NXPE2: variants seen among roughly 807,000 people sequenced by gnomAD.
NXPE2 encodes the protein neurexophilin and PC-esterase domain family member 2.
In NXPE2, 34 loss-of-function variants were observed where a neutral mutation model predicts 34.4. That is an observed-to-expected ratio of 0.99 (90% CI 0.75 to 1.31). The LOEUF (loss-of-function observed/expected upper bound fraction) is 1.31, where lower values mean the gene tolerates loss of function less well. Among genes scored for constraint, NXPE2 ranks in the 40% most tolerant of loss-of-function variants. The pLI is 0.00. For synonymous variants in NXPE2, 235 were observed against 231.3 expected (o/e 1.02, Z -0.15); for missense variants, 649 against 672.5 (o/e 0.97, Z 0.39).
the NXPE2 span, among the ~76,000 whole-genome samples, chr11:114,742,225 T>C: frequency 1.3e-5 from 2 of 152,150 alleles, no homozygotes; most frequent in Non-Finnish European, 2.9e-5. Flanking sequence ...AAGTCAGCAT[T>C]TGGGGAGGGA....
At chr11:114,481,879 C>T in the NXPE2 span, among the ~76,000 whole-genome samples, 1 of 152,066 alleles carries the variant, frequency 6.6e-6, no homozygotes, top group Non-Finnish European at 1.5e-5. Flanking sequence ...TATTCAACAC[C>T]ACTATGTTTA....
the NXPE2 span, chr11:114,522,354 G>T: frequency 2.5e-6 from 4 of 1,614,042 alleles, no homozygotes; most frequent in Non-Finnish European, 3.4e-6. Flanking sequence ...ATTTCCCGAG[G>T]GATATAATCA....
chr11:114,504,339 G>T, the NXPE2 span, among the ~76,000 whole-genome samples: 1 of 152,204 alleles, frequency 6.6e-6, no homozygotes, highest in African/African-American at 2.4e-5. Flanking sequence ...TGCTTATGGG[G>T]CACAGAGAAG....
At chr11:114,671,040 TA>T in the NXPE2 span, among the ~76,000 whole-genome samples, 3 of 148,100 alleles carry the variant, frequency 2.0e-5, no homozygotes, top group African/African-American at 7.4e-5. Context: ...AGGACAAATA[TA>T]TATATATAAA....
At chr11:114,582,422 G>T in the NXPE2 span, 1 of 1,614,158 alleles carries the variant, frequency 6.2e-7, no homozygotes, top group Non-Finnish European at 8.5e-7. Context: ...TGTTGTCCAG[G>T]TACTGGCACA....
the NXPE2 span, among the ~76,000 whole-genome samples, chr11:114,465,927 TC>T: frequency 6.6e-6 from 1 of 152,248 alleles, no homozygotes. Flanking sequence ...AATGTTTCCC[TC>T]TACATCTAGT....
At chr11:114,680,223 GT>G (rs1358697533) in intron 2 of NXPE2, among the ~76,000 whole-genome samples, 1 of 151,934 alleles carries the variant, frequency 6.6e-6, no homozygotes, top group Non-Finnish European at 1.5e-5. Context: ...CAACCATTTA[GT>G]ACAAACATAA....
At chr11:114,773,287 C>G in the NXPE2 span, among the ~76,000 whole-genome samples, 3 of 93,356 alleles carry the variant, frequency 3.2e-5, no homozygotes, top group Admixed American at 1.1e-4. Flanking sequence ...CCACCCCCCC[C>G]CCACCCCATT....
chr11:114,611,049 G>A, the NXPE2 span, among the ~76,000 whole-genome samples: 1 of 151,350 alleles, frequency 6.6e-6, no homozygotes, highest in Non-Finnish European at 1.5e-5. Context: ...GATTATAAGT[G>A]TTGCGTCATG....
the NXPE2 span, among the ~76,000 whole-genome samples, chr11:114,801,519 G>A: frequency 6.6e-6 from 1 of 152,198 alleles, no homozygotes; most frequent in Non-Finnish European, 1.5e-5. Context: ...ATTGTAGAAA[G>A]TTAAGCATGG....
At chr11:114,653,475 G>A in the NXPE2 span, among the ~76,000 whole-genome samples, 1 of 150,324 alleles carries the variant, frequency 6.7e-6, no homozygotes, top group Non-Finnish European at 1.5e-5. Context: ...ACCCTTGGGT[G>A]CTTGTACTCC....
chr11:114,794,844 C>T, the NXPE2 span, among the ~76,000 whole-genome samples: 1 of 146,610 alleles, frequency 6.8e-6, no homozygotes, highest in African/African-American at 2.6e-5. Flanking sequence ...GGATGAATTG[C>T]ACCCCCGCCC....
the NXPE2 span, among the ~76,000 whole-genome samples, chr11:114,655,322 A>G: frequency 7.9e-5 from 12 of 152,110 alleles, no homozygotes; most frequent in African/African-American, 2.9e-4. Context: ...AAAACTCTTT[A>G]GTTTAATTAG....
At chr11:114,786,301 AGAG>A in the NXPE2 span, among the ~76,000 whole-genome samples, 1 of 151,880 alleles carries the variant, frequency 6.6e-6, no homozygotes, top group Admixed American at 6.6e-5. Flanking sequence ...TGAGGATTAG[AGAG>A]GAGAAGTAAT....
the NXPE2 span, among the ~76,000 whole-genome samples, chr11:114,741,181 A>G: frequency 1.3e-5 from 2 of 152,116 alleles, no homozygotes; most frequent in Non-Finnish European, 2.9e-5. Flanking sequence ...GTTCCTGCTG[A>G]TGTATCTGCT....
At chr11:114,806,179 C>A in the NXPE2 span, among the ~76,000 whole-genome samples, 1 of 152,114 alleles carries the variant, frequency 6.6e-6, no homozygotes, top group Admixed American at 6.5e-5. Flanking sequence ...GACGTCCACA[C>A]CCAAAACCCA....
At chr11:114,560,214 C>G in the NXPE2 span, among the ~76,000 whole-genome samples, 22 of 151,456 alleles carry the variant, frequency 1.5e-4, no homozygotes, top group South Asian at 4.4e-3. Flanking sequence ...AACAAGAGAA[C>G]AAATTGTCAG....
At chr11:114,486,401 G>T in the NXPE2 span, among the ~76,000 whole-genome samples, 1 of 152,104 alleles carries the variant, frequency 6.6e-6, no homozygotes, top group Admixed American at 6.6e-5. Context: ...GGTTATTAAT[G>T]CCTTGTCAGG....
the NXPE2 span, among the ~76,000 whole-genome samples, chr11:114,591,932 CAT>C: frequency 1.3e-5 from 2 of 152,120 alleles, no homozygotes; most frequent in African/African-American, 2.4e-5. Context: ...CAACAAAAAT[CAT>C]ATAATCATCT....
Sources: allele counts gnomAD v4.1 joint callset (sites outside exome capture counted in the v4.1 genomes callset), GRCh38; gene constraint gnomAD v4.1.1; transcripts MANE v1.5; gene names NCBI Gene and HGNC (gene_info 2026-07-23, HGNC 2026-07-21).